TMEM131: variants seen among roughly 807,000 people sequenced by gnomAD.
TMEM131 encodes the protein transmembrane protein 131, also known as 2610524E03Rik.
Under a neutral mutation model 211.6 loss-of-function variants are expected in TMEM131, and 66 were observed. The ratio of observed to expected loss-of-function variants is 0.31; its 90% CI spans 0.26 to 0.38. The LOEUF (loss-of-function observed/expected upper bound fraction) is 0.38. TMEM131 is among the 10% of genes least tolerant of loss of function. The pLI is 1.00. For missense variants in TMEM131, 2,036 were observed against 2,299.3 expected, an observed-to-expected ratio of 0.89 and a Z score of 2.34; for synonymous variants, 844 against 841.3, an observed-to-expected ratio of 1.00 and a Z score of -0.06.
chr2:97,989,374 T>C (rs766019714), intron 1 of TMEM131, among the ~76,000 whole-genome samples: 2 of 152,002 alleles, frequency 1.3e-5, no homozygotes, highest in Non-Finnish European at 2.9e-5. Flanking sequence ...AAATCCTGCA[T>C]TATTCTACTT....
chr2:97,962,817 G>A (rs925236492), intron 1 of TMEM131, among the ~76,000 whole-genome samples: 2 of 152,144 alleles, frequency 1.3e-5, no homozygotes, highest in Non-Finnish European at 2.9e-5. Flanking sequence ...CTAAATTGTA[G>A]TTTACTTAGC....
At chr2:97,959,342 T>A (rs1424314063) in intron 1 of TMEM131, among the ~76,000 whole-genome samples, 1 of 152,062 alleles carries the variant, frequency 6.6e-6, no homozygotes, top group Admixed American at 6.6e-5. Context: ...CTGGACAGGT[T>A]TGAAGAACCA....
At chr2:97,768,596 G>A (rs1017993678) in intron 33 of TMEM131, among the ~76,000 whole-genome samples, 6 of 152,044 alleles carry the variant, frequency 3.9e-5, no homozygotes, top group South Asian at 2.1e-4. Flanking sequence ...TAATTGAAGC[G>A]ATTCATTTTT....
intron 3 of TMEM131, 40 bp downstream of exon 3, chr2:97,908,618 G>T: frequency 6.7e-7 from 1 of 1,498,304 alleles, no homozygotes; most frequent in Non-Finnish European, 9.2e-7. Flanking sequence ...CCCCCAGAAG[G>T]AACCGAAAGT....
At chr2:97,779,837 A>G (rs1220924707) in intron 31 of TMEM131, among the ~76,000 whole-genome samples, 2 of 152,126 alleles carry the variant, frequency 1.3e-5, no homozygotes, top group East Asian at 3.9e-4. Flanking sequence ...TAAAATAGTG[A>G]GACTTCATCT....
chr2:97,757,006 G>C lies in TMEM131; in HGVS notation c.*93C>G. 1 of 1,420,588 alleles carries C rather than the reference G, an allele frequency of 7.0e-7. No homozygotes were observed. The highest frequency in any genetic ancestry group is 9.3e-7 in the Non-Finnish European group (1 of 1,073,574). 88.0% of individuals were successfully genotyped at this position (1,420,588 alleles called of 1,614,324 possible). A position where few individuals can be genotyped will look rare whatever the true frequency, so the allele number is the denominator to read the frequency against. On this transcript the variant is annotated 3_prime_UTR_variant, in exon 41 of 41. Transcript: ENST00000186436. ...GCAAAGAAGAGGAGGGTGGGGAGGG[G>C]AGCTGCAGTAAGAGCCTTAAAAAGA...
At chr2:97,911,532 G>A (rs574605066) in intron 2 of TMEM131, 9 of 579,598 alleles carry the variant, frequency 1.6e-5, no homozygotes, top group South Asian at 1.5e-4. Flanking sequence ...AACTCAGGAC[G>A]TGTATCACTC....
At chr2:97,874,550 A>G (rs1270229145) in intron 4 of TMEM131, among the ~76,000 whole-genome samples, 1 of 152,266 alleles carries the variant, frequency 6.6e-6, no homozygotes, top group Non-Finnish European at 1.5e-5. Context: ...ACTAGCCAGA[A>G]GAGAGTGAGG....
At chr2:97,960,747 G>A (rs764128281) in intron 1 of TMEM131, among the ~76,000 whole-genome samples, 2 of 151,954 alleles carry the variant, frequency 1.3e-5, no homozygotes, top group Non-Finnish European at 2.9e-5. Flanking sequence ...AAAACCAACA[G>A]ACTTCATTAA....
At chr2:97,842,517 T>A (rs540056337) in intron 6 of TMEM131, among the ~76,000 whole-genome samples, 20 of 150,534 alleles carry the variant, frequency 1.3e-4, no homozygotes, top group African/African-American at 2.4e-4. Context: ...TAAAAAGATT[T>A]AAAAAAAAAA....
intron 5 of TMEM131, among the ~76,000 whole-genome samples, chr2:97,859,004 C>A (rs972634128): frequency 1.3e-5 from 2 of 152,078 alleles, no homozygotes; most frequent in African/African-American, 2.4e-5. Flanking sequence ...TAGCAAGAAA[C>A]AACTAACACA....
intron 4 of TMEM131, among the ~76,000 whole-genome samples, chr2:97,868,079 T>G (rs1461575270): frequency 6.6e-6 from 1 of 152,224 alleles, no homozygotes; most frequent in African/African-American, 2.4e-5. Flanking sequence ...GCTTCAAGTA[T>G]TCGGAAGCTC....
At chr2:97,793,814 G>A (rs1490521711) in intron 29 of TMEM131, among the ~76,000 whole-genome samples, 1 of 151,614 alleles carries the variant, frequency 6.6e-6, no homozygotes, top group East Asian at 2.0e-4. Flanking sequence ...CTAACATGGT[G>A]AAACCCCGTC....
chr2:97,989,226 G>A (rs192363439), intron 1 of TMEM131, among the ~76,000 whole-genome samples: 24 of 150,368 alleles, frequency 1.6e-4, no homozygotes, highest in Non-Finnish European at 2.9e-4. Flanking sequence ...AAAATCATCC[G>A]TGTTCAATGG....
chr2:97,905,978 T>G (rs1048510645), intron 3 of TMEM131, among the ~76,000 whole-genome samples: 1 of 152,210 alleles, frequency 6.6e-6, no homozygotes, highest in East Asian at 1.9e-4. Context: ...GCATATGTGT[T>G]GATGAAATGA....
intron 14 of TMEM131, 33 bp downstream of exon 14, chr2:97,814,202 G>C (rs370758619): frequency 3.1e-6 from 5 of 1,610,408 alleles, no homozygotes; most frequent in African/African-American, 2.7e-5. Context: ...GGTAGACCAG[G>C]AAAATTAAAA....
intron 3 of TMEM131, among the ~76,000 whole-genome samples, chr2:97,903,689 A>G (rs887577726): frequency 6.0e-5 from 9 of 151,106 alleles, no homozygotes; most frequent in South Asian, 2.1e-4. Flanking sequence ...TTGTTTGTTT[A>G]TTTATTTATT....
chr2:97,775,347 G>A (rs1257960290), intron 32 of TMEM131, among the ~76,000 whole-genome samples: 1 of 152,130 alleles, frequency 6.6e-6, no homozygotes, highest in Non-Finnish European at 1.5e-5. Flanking sequence ...GGTCTTTCCT[G>A]GGGCCACACT....
intron 1 of TMEM131, among the ~76,000 whole-genome samples, chr2:97,958,474 T>C (rs1389045148): frequency 6.6e-6 from 1 of 152,188 alleles, no homozygotes; most frequent in Non-Finnish European, 1.5e-5. Context: ...GTAGCTGTTC[T>C]CAAAGTGGAG....
Sources: allele counts gnomAD v4.1 joint callset (sites outside exome capture counted in the v4.1 genomes callset), GRCh38; gene constraint gnomAD v4.1.1; transcripts MANE v1.5; gene names NCBI Gene and HGNC (gene_info 2026-07-23, HGNC 2026-07-21).